CYP19A1: variants seen among roughly 807,000 people sequenced by gnomAD.
CYP19A1 encodes the protein cytochrome P450 family 19 subfamily A member 1, also known as aromatase.
A neutral mutation model predicts 44.4 loss-of-function variants in CYP19A1; 32 were observed. The observed-to-expected ratio is 0.72, with a 90% CI of 0.54 to 0.97. The LOEUF (loss-of-function observed/expected upper bound fraction) is 0.97. Ranked by LOEUF, CYP19A1 falls within the 50% of genes least tolerant of loss-of-function variation. CYP19A1 has a pLI of 0.00. For synonymous variants in CYP19A1, 212 were observed against 215.6 expected (o/e 0.98, Z 0.14); for missense variants, 598 against 637.8 (o/e 0.94, Z 0.67).
intron 1 of CYP19A1, chr15:51,318,790 T>A (rs2036475696): frequency 6.6e-6 from 1 of 152,230 alleles, no homozygotes; most frequent in African/African-American, 2.4e-5. Flanking sequence ...CTGACATTCT[T>A]TCAGGAAACA....
chr15:51,303,192 A>C (rs970775456), intron 1 of CYP19A1, among the ~76,000 whole-genome samples: 1 of 152,062 alleles, frequency 6.6e-6, no homozygotes, highest in Non-Finnish European at 1.5e-5. Context: ...GCAGATGTGG[A>C]GGGGTGAAAG....
At chr15:51,334,891 GACTGAGTGAGGTA>G (rs2036753546) in intron 1 of CYP19A1, among the ~76,000 whole-genome samples, 1 of 152,198 alleles carries the variant, frequency 6.6e-6, no homozygotes, top group Middle Eastern at 3.2e-3. Context: ...TCTGTCCTGT[GACTGAGTGAGGTA>G]GGTAAAAGCC....
At chr15:51,219,930 ACTT>A (rs2031924300) in intron 5 of CYP19A1, among the ~76,000 whole-genome samples, 2 of 152,100 alleles carry the variant, frequency 1.3e-5, no homozygotes, top group African/African-American at 2.4e-5. Context: ...TGTGACTAAA[ACTT>A]CTTCAAGTGA....
At chr15:51,283,850 TACA>T (rs1019113318) in intron 1 of CYP19A1, among the ~76,000 whole-genome samples, 4 of 152,168 alleles carry the variant, frequency 2.6e-5, no homozygotes, top group Non-Finnish European at 4.4e-5. Flanking sequence ...CTCACAAGCG[TACA>T]ACAATTGTCC....
chr15:51,295,834 A>T (rs1321522592), intron 1 of CYP19A1, among the ~76,000 whole-genome samples: 1 of 152,156 alleles, frequency 6.6e-6, no homozygotes, highest in Non-Finnish European at 1.5e-5. Flanking sequence ...TCCTGGCAGC[A>T]CGGAGGTCTG....
intron 1 of CYP19A1, among the ~76,000 whole-genome samples, chr15:51,323,063 G>T (rs2036552592): frequency 6.6e-6 from 1 of 152,214 alleles, no homozygotes; most frequent in Admixed American, 6.5e-5. Context: ...GCCTTAGTTG[G>T]CTTGGTTTAA....
intron 1 of CYP19A1, among the ~76,000 whole-genome samples, chr15:51,251,005 A>T (rs1191978454): frequency 6.6e-6 from 1 of 152,210 alleles, no homozygotes; most frequent in Non-Finnish European, 1.5e-5. Flanking sequence ...CAGAGACCAC[A>T]TCACAAGAAC....
chr15:51,240,648 C>T (rs544381232), intron 2 of CYP19A1, among the ~76,000 whole-genome samples: 130 of 152,320 alleles, frequency 8.5e-4, no homozygotes, highest in African/African-American at 3.0e-3. Flanking sequence ...TAGGATCTCA[C>T]AGTCTGTGCT....
At chr15:51,223,593 T>TCTCACACACACACACACACACACACA (rs1356666512) in intron 4 of CYP19A1, among the ~76,000 whole-genome samples, 3 of 90,210 alleles carry the variant, frequency 3.3e-5, no homozygotes, top group East Asian at 4.7e-4. Context: ...TCTCTCTCTC[T>TCTCACACACACACACACACACACACA]CACACACACA....
chr15:51,224,948 T>A (rs2032447131), intron 4 of CYP19A1, among the ~76,000 whole-genome samples: 1 of 152,340 alleles, frequency 6.6e-6, no homozygotes, highest in South Asian at 2.1e-4. Context: ...AGAATATTTG[T>A]CTTTTGTTTT....
At chr15:51,298,359 C>T (rs753583857) in intron 1 of CYP19A1, among the ~76,000 whole-genome samples, 1 of 152,086 alleles carries the variant, frequency 6.6e-6, no homozygotes, top group Non-Finnish European at 1.5e-5. Context: ...TTTTATGGAG[C>T]CCATGCTAAG....
At chr15:51,330,904 C>G (rs550826340) in intron 1 of CYP19A1, among the ~76,000 whole-genome samples, 1 of 152,256 alleles carries the variant, frequency 6.6e-6, no homozygotes, top group South Asian at 2.1e-4. Context: ...TCATCAGCGA[C>G]CTTGGCAGGA....
intron 1 of CYP19A1, chr15:51,313,122 G>A (rs1314640507): frequency 6.6e-6 from 1 of 152,188 alleles, no homozygotes; most frequent in Non-Finnish European, 1.5e-5. Context: ...TCATTTGCAA[G>A]AAAAAATACA....
chr15:51,301,305 T>G (rs2036106547), intron 1 of CYP19A1, among the ~76,000 whole-genome samples: 1 of 152,184 alleles, frequency 6.6e-6, no homozygotes, highest in Admixed American at 6.5e-5. Flanking sequence ...TTCTTGCCCC[T>G]CAAAGGCAGA....
At chr15:51,267,133 C>T (rs1400470150) in intron 1 of CYP19A1, among the ~76,000 whole-genome samples, 2 of 152,164 alleles carry the variant, frequency 1.3e-5, no homozygotes, top group African/African-American at 4.8e-5. Flanking sequence ...GGGTCTCTGT[C>T]ACTCCCAAGC....
chr15:51,211,746 C>G, intron 9 of CYP19A1: 1 of 401,728 alleles, frequency 2.5e-6, no homozygotes, highest in South Asian at 1.8e-5. Context: ...AAACATATTG[C>G]CTAAAATTTG....
At chr15:51,289,954 T>C (rs2035805534) in intron 1 of CYP19A1, among the ~76,000 whole-genome samples, 1 of 151,986 alleles carries the variant, frequency 6.6e-6, no homozygotes, top group Non-Finnish European at 1.5e-5. Flanking sequence ...CATGCCTCTG[T>C]CCCCCACTAA....
At chr15:51,294,566 C>G (rs78949201) in intron 1 of CYP19A1, among the ~76,000 whole-genome samples, 3 of 146,766 alleles carry the variant, frequency 2.0e-5, no homozygotes, top group Admixed American at 6.6e-5. Context: ...GCAGCCGCCC[C>G]GTCCGGGAGG....
chr15:51,286,300 T>G (rs995654164), intron 1 of CYP19A1, among the ~76,000 whole-genome samples: 3 of 152,182 alleles, frequency 2.0e-5, no homozygotes, highest in African/African-American at 7.2e-5. Flanking sequence ...ATAAATATTC[T>G]CTCTTCTACC....
Sources: gnomAD v4.1 joint callset for allele counts (sites outside exome capture counted in the v4.1 genomes callset) on GRCh38, gnomAD v4.1.1 for gene constraint, MANE v1.5 for transcripts, NCBI Gene and HGNC (gene_info 2026-07-23, HGNC 2026-07-21) for gene names.